The following GNAL variants were observed in gnomAD, a reference collection of about 807,000 sequenced individuals.
The protein encoded by GNAL is G protein subunit alpha L.
In GNAL, 18 loss-of-function variants were observed where a neutral mutation model predicts 55.1. The ratio of observed to expected loss-of-function variants is 0.33; its 90% CI spans 0.23 to 0.48. The LOEUF is 0.48. GNAL is among the 20% of genes least tolerant of loss of function. The pLI is 0.99. For synonymous variants in GNAL, 253 were observed against 237.0 expected, an observed-to-expected ratio of 1.07 and a Z score of -0.62; for missense variants, 412 against 614.1, an observed-to-expected ratio of 0.67 and a Z score of 3.48.
At chr18:11,841,661 AAG>A (rs1567886798) in intron 5 of GNAL, among the ~76,000 whole-genome samples, 2 of 149,928 alleles carry the variant, frequency 1.3e-5, no homozygotes, top group African/African-American at 2.4e-5. Context: ...AAAAAAAAAA[AAG>A]AAAGAAAGAA....
chr18:11,726,149 T>C (rs533510143), intron 1 of GNAL, among the ~76,000 whole-genome samples: 68 of 152,300 alleles, frequency 4.5e-4, no homozygotes, highest in African/African-American at 1.5e-3. Context: ...CTTTATGTTA[T>C]AGTGAGTCTT....
chr18:11,788,647 G>A (rs531263045), intron 4 of GNAL, among the ~76,000 whole-genome samples: 25 of 151,880 alleles, frequency 1.6e-4, no homozygotes, highest in African/African-American at 5.8e-4. Flanking sequence ...GGAGGCAGGC[G>A]GATCACCTGA....
chr18:11,724,569 A>T (rs775420168), intron 1 of GNAL, among the ~76,000 whole-genome samples: 5 of 152,212 alleles, frequency 3.3e-5, no homozygotes, highest in Non-Finnish European at 7.3e-5. Context: ...GGGAACTTCC[A>T]GTGAGGCTGT....
rs76486224 is a variant in GNAL, at chr18:11,780,952, A to G, written c.624+27007A>G. 4.9e-3 allele frequency among the ~76,000 whole-genome samples: 752 copies of G among 152,350 alleles called. 4 individuals carry two copies. The highest frequency in any genetic ancestry group is 0.017 in the African/African-American group (711 of 41,576). ...CAAGACTTAAGTCACACTGAAGTAT[A>G]AATGACTGATAACAGGCTACTAATC... On this transcript the variant is annotated intron_variant, in intron 4 of 11. Transcript: ENST00000334049.
intron 5 of GNAL, among the ~76,000 whole-genome samples, chr18:11,826,292 GGGGA>G (rs1568045206): frequency 2.7e-4 from 7 of 26,412 alleles, no homozygotes; most frequent in African/African-American, 4.1e-4. Context: ...GAGCGGGGAG[GGGGA>G]AGGAAGAGGA....
chr18:11,831,482 T>G (rs1316793070), intron 5 of GNAL, among the ~76,000 whole-genome samples: 1 of 152,102 alleles, frequency 6.6e-6, no homozygotes, highest in Admixed American at 6.6e-5. Flanking sequence ...ATGAAAAAAG[T>G]CTAAGGCTGT....
chr18:11,724,484 G>C (rs1001678823), intron 1 of GNAL, among the ~76,000 whole-genome samples: 6 of 152,168 alleles, frequency 3.9e-5, no homozygotes, highest in Admixed American at 3.9e-4. Flanking sequence ...TTCTCTTATT[G>C]GGGGTGCTTG....
At chr18:11,877,859 G>A (rs989687432) in intron 11 of GNAL, among the ~76,000 whole-genome samples, 4 of 152,192 alleles carry the variant, frequency 2.6e-5, no homozygotes, top group African/African-American at 7.2e-5. Context: ...GAGTTCAGAG[G>A]ACAAGAGTTC....
chr18:11,866,396 C>T (rs1213276577), intron 7 of GNAL, among the ~76,000 whole-genome samples: 1 of 150,392 alleles, frequency 6.6e-6, no homozygotes, highest in Non-Finnish European at 1.5e-5. Context: ...GGGGAGAAAT[C>T]TCAGAGGCAG....
intron 1 of GNAL, among the ~76,000 whole-genome samples, chr18:11,703,123 C>T (rs1019097419): frequency 1.3e-5 from 2 of 152,116 alleles, no homozygotes; most frequent in Non-Finnish European, 2.9e-5. Context: ...GTCTCAAAAA[C>T]AAAACAAACA....
At chr18:11,831,604 C>T (rs1288181321) in intron 5 of GNAL, among the ~76,000 whole-genome samples, 1 of 152,144 alleles carries the variant, frequency 6.6e-6, no homozygotes, top group African/African-American at 2.4e-5. Flanking sequence ...AGCCAAAGGC[C>T]CTATGGGGAA....
At position 11,844,586 on chromosome 18, in the gene GNAL, A is replaced by G. The variant is rs551420950; in HGVS notation, c.723-17809A>G. 7.9e-5 allele frequency among the ~76,000 whole-genome samples: 12 copies of G among 152,324 alleles called. No homozygotes were observed. In the East Asian group the frequency reaches 9.6e-4, roughly 12 times the overall value. ...TAAAAGCTGGGTCTAAGGCAGATCAATCACAGCATCAATTAAGGGTACGAG... is the reference window on the plus strand; with the variant it reads ...TAAAAGCTGGGTCTAAGGCAGATCAGTCACAGCATCAATTAAGGGTACGAG... On this transcript the variant is annotated intron_variant, in intron 5 of 11. Coordinates refer to ENST00000334049, the MANE Select transcript of GNAL (RefSeq NM_182978.4).
At chr18:11,873,341 A>G (rs550556305) in intron 10 of GNAL, among the ~76,000 whole-genome samples, 1 of 152,354 alleles carries the variant, frequency 6.6e-6, no homozygotes, top group East Asian at 1.9e-4. Flanking sequence ...GAGAGGCATT[A>G]TATAAGTATA....
At chr18:11,712,144 C>G (rs942693943) in intron 1 of GNAL, among the ~76,000 whole-genome samples, 1 of 152,272 alleles carries the variant, frequency 6.6e-6, no homozygotes, top group Non-Finnish European at 1.5e-5. Context: ...TGCCCCTTTT[C>G]TTTGTTCTTA....
intron 4 of GNAL, among the ~76,000 whole-genome samples, chr18:11,800,873 T>TTATC (rs1313337485): frequency 6.6e-6 from 1 of 152,200 alleles, no homozygotes; most frequent in Non-Finnish European, 1.5e-5. Flanking sequence ...GCTTTCTAAA[T>TTATC]TACTTATGAA....
At chr18:11,793,530 T>C (rs761173301) in intron 4 of GNAL, among the ~76,000 whole-genome samples, 1 of 151,900 alleles carries the variant, frequency 6.6e-6, no homozygotes, top group Non-Finnish European at 1.5e-5. Context: ...TGCAGTGAGC[T>C]ATGATTGTGC....
At chr18:11,720,976 C>T (rs921374361) in intron 1 of GNAL, among the ~76,000 whole-genome samples, 4 of 152,202 alleles carry the variant, frequency 2.6e-5, no homozygotes, top group Admixed American at 6.5e-5. Context: ...GGTTGAATTA[C>T]TTAAGAAACA....
intron 5 of GNAL, among the ~76,000 whole-genome samples, chr18:11,844,533 C>T (rs775071582): frequency 3.9e-5 from 6 of 152,218 alleles, no homozygotes; most frequent in Non-Finnish European, 7.3e-5. Context: ...GTGCCTTAAA[C>T]TTAATCTAAT....
chr18:11,813,258 A>AAAAAAAAAAG (rs777637282), intron 4 of GNAL, among the ~76,000 whole-genome samples: 3 of 151,790 alleles, frequency 2.0e-5, no homozygotes, highest in African/African-American at 7.3e-5. Flanking sequence ...CCATCTTAAA[A>AAAAAAAAAAG]AAAAGAAAAA....
Sources: allele counts gnomAD v4.1 joint callset (sites outside exome capture counted in the v4.1 genomes callset), GRCh38; gene constraint gnomAD v4.1.1; transcripts MANE v1.5; gene names NCBI Gene and HGNC (gene_info 2026-07-23, HGNC 2026-07-21).